Variants in RSBN1 observed in about 807,000 individuals in gnomAD.
RSBN1 encodes round spermatid basic protein 1.
Under a neutral mutation model 74.8 loss-of-function variants are expected in RSBN1, and 23 were observed. The observed-to-expected ratio is 0.31, with a 90% CI of 0.22 to 0.44. The LOEUF is 0.44. Among genes scored for constraint, RSBN1 ranks in the 20% least tolerant of loss-of-function variants. The pLI is 1.00. For synonymous variants in RSBN1, 407 were observed against 379.6 expected (o/e 1.07, Z -0.84); for missense variants, 808 against 1,020.9 (o/e 0.79, Z 2.84).
At chr1:113,793,109 G>A (rs191704158) in intron 2 of RSBN1, among the ~76,000 whole-genome samples, 48 of 152,198 alleles carry the variant, frequency 3.2e-4, no homozygotes, top group Non-Finnish European at 2.4e-4. Context: ...CTGCTTAGAG[G>A]AGCTGAGTTC....
At chr1:113,778,427 A>G (rs1660075202) in intron 2 of RSBN1, among the ~76,000 whole-genome samples, 1 of 151,842 alleles carries the variant, frequency 6.6e-6, no homozygotes, top group African/African-American at 2.4e-5. Flanking sequence ...CCTCCCAAGT[A>G]GCTGGAATTA....
chr1:113,776,810 CAAA>C (rs58152175), intron 4 of RSBN1, among the ~76,000 whole-genome samples: 14 of 90,242 alleles, frequency 1.6e-4, no homozygotes, highest in Admixed American at 5.0e-4. Flanking sequence ...GACCCTATCT[CAAA>C]AAAAAAAAAA....
At chr1:113,806,883 C>A (rs545485480) in intron 1 of RSBN1, among the ~76,000 whole-genome samples, 69 of 148,290 alleles carry the variant, frequency 4.7e-4, no homozygotes, top group African/African-American at 1.6e-3. Flanking sequence ...TGTGGTGGTG[C>A]ACACGTGTGG....
chr1:113,806,323 ACT>A (rs1660698664), intron 1 of RSBN1, among the ~76,000 whole-genome samples: 1 of 150,116 alleles, frequency 6.7e-6, no homozygotes, highest in South Asian at 2.1e-4. Flanking sequence ...ACAGAGCGAG[ACT>A]CTGTCTCAAA....
At chr1:113,785,337 A>T (rs1418235844) in intron 2 of RSBN1, among the ~76,000 whole-genome samples, 1 of 152,154 alleles carries the variant, frequency 6.6e-6, no homozygotes, top group Non-Finnish European at 1.5e-5. Flanking sequence ...CTCCTGAAAG[A>T]TCTGTCTGAG....
chr1:113,783,948 A>G (rs960678253), intron 2 of RSBN1, among the ~76,000 whole-genome samples: 1 of 152,154 alleles, frequency 6.6e-6, no homozygotes, highest in Admixed American at 6.6e-5. Context: ...ATACTTTGTA[A>G]TGAGGGAGGC....
chr1:113,778,042 T>C (rs1660063690), intron 2 of RSBN1, among the ~76,000 whole-genome samples: 1 of 152,154 alleles, frequency 6.6e-6, no homozygotes, highest in African/African-American at 2.4e-5. Flanking sequence ...AAAGAAACAT[T>C]GAAGACATTA....
In RSBN1 at chr1:113,811,803, G is replaced by A. The variant is rs542480289; in HGVS notation, c.610C>T (p.Pro204Ser). The stretch of plus-strand genomic sequence containing the variant: ...TTGAGATCGGTTCCGCAGGAGCTGG[G>A]ATCACCATCGGGGCCGCGGTGGTGA... ...HHHHRGPDGDPSSCGTDLKHK... is the reference protein window; with the variant it reads ...HHHHRGPDGDSSSCGTDLKHK... Residue 204 changes from proline (P) to serine (S), a missense_variant, in exon 1 of 7, where the codon CCC (proline) becomes TCC (serine). Pro to Ser is a moderately conservative substitution (Grantham distance 74). Coordinates refer to ENST00000261441, the MANE Select transcript of RSBN1 (RefSeq NM_018364.5). 2.0e-5 allele frequency: 33 copies of A among 1,613,858 alleles called. No individual in the cohort carries two copies. The highest frequency in any genetic ancestry group is 2.6e-5 in the Non-Finnish European group (31 of 1,179,960).
intron 2 of RSBN1, among the ~76,000 whole-genome samples, chr1:113,794,266 T>C (rs1361676680): frequency 6.6e-6 from 1 of 152,216 alleles, no homozygotes; most frequent in Admixed American, 6.5e-5. Flanking sequence ...CGTAACTAAC[T>C]GGTATTCTTG....
intron 1 of RSBN1, among the ~76,000 whole-genome samples, chr1:113,800,814 A>T (rs1660568785): frequency 1.3e-5 from 2 of 152,042 alleles, no homozygotes; most frequent in Non-Finnish European, 2.9e-5. Flanking sequence ...AAAACCATTC[A>T]ATTAGTCCAA....
At chr1:113,802,002 T>C (rs1571310059) in intron 1 of RSBN1, among the ~76,000 whole-genome samples, 1 of 152,052 alleles carries the variant, frequency 6.6e-6, no homozygotes, top group African/African-American at 2.4e-5. Context: ...TCATCCAGGC[T>C]GGAGGGCAGT....
At chr1:113,786,575 G>A (rs1660248118) in intron 2 of RSBN1, among the ~76,000 whole-genome samples, 1 of 152,182 alleles carries the variant, frequency 6.6e-6, no homozygotes, top group South Asian at 2.1e-4. Context: ...GGGGCCACAA[G>A]CTAGGAAATG....
chr1:113,810,406 C>A (rs1217838708), intron 1 of RSBN1, among the ~76,000 whole-genome samples: 2 of 151,832 alleles, frequency 1.3e-5, no homozygotes, highest in Admixed American at 6.6e-5. Flanking sequence ...CACACACACA[C>A]ACACACACAA....
At chr1:113,798,091 GCTT>G (rs1660510082) in intron 1 of RSBN1, 55 bp from the exon 2 acceptor site, 1 of 1,451,118 alleles carries the variant, frequency 6.9e-7, no homozygotes, top group Non-Finnish European at 9.3e-7. Context: ...CAACATACAA[GCTT>G]CTTAAGGTAC....
In RSBN1 at chr1:113,811,956, G is replaced by A. The variant is rs770034909; in HGVS notation, c.457C>T (p.Pro153Ser). ...GGGGCAGCGACAGCGGGCCCGGCGG[G>A]TGCCAGCGAAGGTGGCGGCGGAGGC... ...LPPPPPPSLAPAGPAVAAPLP... is the reference protein window; with the variant it reads ...LPPPPPPSLASAGPAVAAPLP... The change falls in exon 1 of 7, where the codon CCC becomes TCC. Residue 153 changes from proline (P) to serine (S), a missense_variant. Coordinates refer to ENST00000261441, the MANE Select transcript of RSBN1 (RefSeq NM_018364.5). 1.3e-6 allele frequency: 2 copies of A among 1,587,922 alleles called. No individual in the cohort carries two copies. Among genetic ancestry groups the A allele is most frequent in the South Asian group, 2.3e-5 (2 of 88,810 alleles).
rs1369710629 is a variant in RSBN1 at position 113,811,719 on chromosome 1, G to T, written c.694C>A (p.Pro232Thr). The change falls in exon 1 of 7, where the codon CCC (proline) becomes ACC (threonine). Residue 232 changes from proline (P) to threonine (T), a missense_variant. Pro to Thr is a conservative substitution (Grantham distance 38). This residue lies in a region of RSBN1 where 464 missense variants were observed against 401.0 expected (regional missense o/e 1.16). Transcript: ENST00000261441. ...RTGGVPLIKAPKRETPDENGK... is the reference protein window; with the variant it reads ...RTGGVPLIKATKRETPDENGK... ...GTTTGCCTGCTCTCACCTCTCTTGG[G>T]GGCTTTGATCAGAGGCACCCCTCCA... 6.3e-7 allele frequency: 1 copy of T among 1,596,572 alleles called. No homozygotes were observed. The highest frequency in any genetic ancestry group is 8.5e-7 in the Non-Finnish European group (1 of 1,169,598).
chr1:113,778,048 CATTA>C (rs1446223304), intron 2 of RSBN1, among the ~76,000 whole-genome samples: 1 of 152,058 alleles, frequency 6.6e-6, no homozygotes, highest in African/African-American at 2.4e-5. Context: ...ACATTGAAGA[CATTA>C]ATATCTATTT....
intron 1 of RSBN1, among the ~76,000 whole-genome samples, chr1:113,809,855 A>C (rs946950261): frequency 1.3e-5 from 2 of 152,232 alleles, no homozygotes; most frequent in Non-Finnish European, 2.9e-5. Context: ...CCACATTTCA[A>C]GTCTGTTCAG....
chr1:113,811,287 C>A (rs1660837625), intron 1 of RSBN1, among the ~76,000 whole-genome samples: 1 of 152,192 alleles, frequency 6.6e-6, no homozygotes, highest in Admixed American at 6.5e-5. Context: ...TCCTGAAAGA[C>A]TGGAACCATA....
Sources: gnomAD v4.1 joint callset for allele counts (sites outside exome capture counted in the v4.1 genomes callset) on GRCh38, gnomAD v4.1.1 for gene constraint, gnomAD v4.1.1 regional missense constraint, MANE v1.5 for transcripts, NCBI Gene and HGNC (gene_info 2026-07-23, HGNC 2026-07-21) for gene names.